The following ELFN2 variants were observed in gnomAD, a reference collection of about 807,000 sequenced individuals.
ELFN2 encodes the protein extracellular leucine rich repeat and fibronectin type III domain containing 2.
Under a neutral mutation model 45.5 loss-of-function variants are expected in ELFN2, and 17 were observed. That is an observed-to-expected ratio of 0.37 (90% CI 0.26 to 0.56). ELFN2 has a LOEUF of 0.56. Ranked by LOEUF, ELFN2 falls within the 20% of genes least tolerant of loss-of-function variation. ELFN2 has a pLI of 0.77. For missense variants in ELFN2, 922 were observed against 1,183.2 expected (o/e 0.78, Z 3.24); for synonymous variants, 550 against 551.5 (o/e 1.00, Z 0.04).
In ELFN2 at chr22:37,361,156, C is replaced by G. The variant is rs1474038103; in HGVS notation, n.149-18453G>C. ...CACAGGTGCCAGCCAGGGCTGGTGC[C>G]TCACATGGCATGTAGAAGAAGACTT... is the stretch of plus-strand genomic sequence containing the variant. On this transcript the variant is annotated intron_variant and non_coding_transcript_variant, in intron 1 of 2. Coordinates refer to ENST00000452946, the Ensembl canonical transcript of ELFN2. Among the ~76,000 whole-genome samples the G allele has an allele frequency of 2.6e-5, 4 of 152,244 alleles. No homozygotes were observed. The South Asian group carries it at 6.2e-4, about 24-fold the overall frequency.
intron 1 of ELFN2, among the ~76,000 whole-genome samples, chr22:37,419,675 C>T (rs1361771456): frequency 6.6e-6 from 1 of 152,206 alleles, no homozygotes; most frequent in Non-Finnish European, 1.5e-5. Flanking sequence ...CACGCCAAAA[C>T]ATACATGCCC....
At chr22:37,395,259 C>T (rs921820595) in intron 2 of ELFN2, among the ~76,000 whole-genome samples, 3 of 152,168 alleles carry the variant, frequency 2.0e-5, no homozygotes, top group Non-Finnish European at 4.4e-5. Context: ...CCTGGCTCTG[C>T]CTGTGCCTGG....
intron 2 of ELFN2, among the ~76,000 whole-genome samples, chr22:37,415,659 A>G (rs1003881089): frequency 6.6e-5 from 10 of 152,212 alleles, no homozygotes; most frequent in African/African-American, 2.4e-4. Context: ...TTTTAAAACG[A>G]TTTTTAAAAG....
rs1410588027 is a variant in ELFN2 at position 37,370,452 on chromosome 22, G to A, written c.*2620C>T. Reference sequence around the variant, plus strand: ...CCCAGCTGGCCAGCCAATTCACCAGGCCCGTCTGGGAGCCCTGACTTCCTC... The same window carrying A: ...CCCAGCTGGCCAGCCAATTCACCAGACCCGTCTGGGAGCCCTGACTTCCTC... On this transcript the variant is annotated 3_prime_UTR_variant, in exon 3 of 3. Coordinates refer to ENST00000402918, the MANE Select transcript of ELFN2 (RefSeq NM_052906.5). 6.6e-6 allele frequency: 1 copy of A among 152,272 alleles called. No homozygotes were observed. The highest frequency in any genetic ancestry group is 1.5e-5 in the Non-Finnish European group (1 of 68,112). The allele number at this position is 152,272 out of a possible 1,614,324, so 9.4% of individuals were successfully genotyped here.
At chr22:37,389,080 T>C (rs371500159) in intron 2 of ELFN2, among the ~76,000 whole-genome samples, 3 of 152,136 alleles carry the variant, frequency 2.0e-5, no homozygotes, top group African/African-American at 4.8e-5. Context: ...CCTCTGTCAA[T>C]TGGGGCCACA....
At chr22:37,407,755 C>T (rs1388511111) in intron 2 of ELFN2, among the ~76,000 whole-genome samples, 2 of 151,856 alleles carry the variant, frequency 1.3e-5, no homozygotes, top group African/African-American at 4.8e-5. Context: ...ATTAGCTGGG[C>T]ATGGTGGCAA....
chr22:37,405,956 G>C (rs1238152099), intron 2 of ELFN2, among the ~76,000 whole-genome samples: 1 of 152,022 alleles, frequency 6.6e-6, no homozygotes, highest in Non-Finnish European at 1.5e-5. Flanking sequence ...GGGCAACATA[G>C]TAAGACCCTG....
chr22:37,374,383 G>A lies in ELFN2; in HGVS notation c.1152C>T (p.Pro384=), dbSNP rs746267283. 1.8e-5 allele frequency: 29 copies of A among 1,613,838 alleles called. No homozygotes were observed. Among genetic ancestry groups the A allele is most frequent in the African/African-American group, 5.3e-5 (4 of 74,936 alleles). The part of the protein sequence containing the change: ...CLTFTTRDPV[P]GDLAPSTSTT... Reference sequence around the variant, plus strand: ...TGGAGGTGCTGGGCGCCAAGTCTCCGGGGACGGGGTCCCGCGTGGTGAAGG... The same window carrying A: ...TGGAGGTGCTGGGCGCCAAGTCTCCAGGGACGGGGTCCCGCGTGGTGAAGG... The change falls in exon 3 of 3, where the codon CCC becomes CCT. Residue 384 remains proline, a synonymous_variant. Transcript: ENST00000402918.
chr22:37,374,638 G>A lies in ELFN2; in HGVS notation c.897C>T (p.Ile299=). ...AGGTGAACGTGACGTGGTGCAGCTT[G>A]ATGGCTGGCCCTGCCGACGCATCCG... The part of the protein sequence containing the change: ...STTDASAGPA[I]KLHHVTFTSA... Residue 299 remains isoleucine (I), a synonymous_variant, in exon 3 of 3, where the codon ATC becomes ATT. Transcript: ENST00000402918. The A allele has an allele frequency of 6.2e-7, 1 of 1,613,932 alleles. No individual in the cohort carries two copies. The highest frequency in any genetic ancestry group is 1.1e-5 in the South Asian group (1 of 91,084).
chr22:37,399,332 T>A (rs1932301931), intron 2 of ELFN2, among the ~76,000 whole-genome samples: 1 of 152,100 alleles, frequency 6.6e-6, no homozygotes, highest in Non-Finnish European at 1.5e-5. Context: ...TGCCCCTGTG[T>A]GGGCTTCCTG....
At chr22:37,396,653 C>A (rs754515467) in intron 2 of ELFN2, among the ~76,000 whole-genome samples, 1 of 152,132 alleles carries the variant, frequency 6.6e-6, no homozygotes, top group South Asian at 2.1e-4. Context: ...CCCTTCCAGG[C>A]GCCCCCTTCC....
At chr22:37,377,235 G>T (rs1341173207) in intron 2 of ELFN2, among the ~76,000 whole-genome samples, 2 of 152,208 alleles carry the variant, frequency 1.3e-5, no homozygotes, top group Non-Finnish European at 2.9e-5. Flanking sequence ...GGGGAGACTT[G>T]GCCAGGTTGC....
rs548599945 is a variant in ELFN2 at position 37,387,803 on chromosome 22, G to GC, written c.-462-11808dup. On this transcript the variant is annotated intron_variant, in intron 2 of 2. Coordinates refer to ENST00000402918, the MANE Select transcript of ELFN2 (RefSeq NM_052906.5). ...CGCTTCCCCCTCCCCTACCCCAAGA[G>GC]CCCTTCAACCCTTCCCAAGGCTTCT... Among the ~76,000 whole-genome samples, 130 of 151,686 alleles carry GC rather than the reference G, an allele frequency of 8.6e-4. 2 individuals carry two copies. Among genetic ancestry groups the GC allele is most frequent in the African/African-American group, 3.0e-3 (126 of 41,316 alleles).
At chr22:37,386,174 C>T (rs1181911935) in intron 2 of ELFN2, among the ~76,000 whole-genome samples, 1 of 152,206 alleles carries the variant, frequency 6.6e-6, no homozygotes, top group Non-Finnish European at 1.5e-5. Flanking sequence ...CCACAGAACA[C>T]TGCCAGCTGG....
rs530718274 is a variant in ELFN2, at chr22:37,355,438, C to T, written n.149-12735G>A. 4.6e-5 allele frequency among the ~76,000 whole-genome samples: 7 copies of T among 152,298 alleles called. No individual in the cohort carries two copies. In the South Asian group the frequency reaches 1.0e-3, roughly 23 times the overall value. On this transcript the variant is annotated intron_variant and non_coding_transcript_variant, in intron 1 of 2. Coordinates refer to ENST00000452946, the Ensembl canonical transcript of ELFN2. ...CCTGACCTGTCACTGGCAGAGGGTG[C>T]GCTCGCCCTGAGACCCATCAGGAGC...
At chr22:37,357,737 C>G (rs1021091886) in intron 1 of ELFN2, among the ~76,000 whole-genome samples, 1 of 152,216 alleles carries the variant, frequency 6.6e-6, no homozygotes, top group African/African-American at 2.4e-5. Context: ...AGAGTGCTAA[C>G]AACTTGGAGC....
Position 37,374,258 on chromosome 22 carries a change from T to C in ELFN2, c.1277A>G (p.Glu426Gly). The change falls in exon 3 of 3, where the codon GAG (glutamate) becomes GGG (glycine). Residue 426 changes from glutamate to glycine, a missense_variant. Glu to Gly is a moderately conservative substitution (Grantham distance 98). Coordinates refer to ENST00000402918, the MANE Select transcript of ELFN2 (RefSeq NM_052906.5). ...GACGTTGACAGACTTCTGCTTCTCCTCCTGCATGCGCCGCTTGCGCAGGCA... is the reference window on the plus strand; with the variant it reads ...GACGTTGACAGACTTCTGCTTCTCCCCCTGCATGCGCCGCTTGCGCAGGCA... Reference protein sequence around the residue: ...YYCLRKRRMQEEKQKSVNVKK... With the variant: ...YYCLRKRRMQGEKQKSVNVKK... 3.7e-6 allele frequency: 6 copies of C among 1,613,978 alleles called. No homozygotes were observed. The highest frequency in any genetic ancestry group is 4.2e-6 in the Non-Finnish European group (5 of 1,180,028).
intron 2 of ELFN2, among the ~76,000 whole-genome samples, chr22:37,341,301 T>C (rs1318146510): frequency 6.6e-6 from 1 of 152,176 alleles, no homozygotes; most frequent in African/African-American, 2.4e-5. Flanking sequence ...CTGTCCCCTC[T>C]GGAGTCCTGC....
rs1016181465 is a variant in ELFN2 at position 37,417,650 on chromosome 22, A to C, written c.-463+119T>G. 2.6e-5 allele frequency: 4 copies of C among 152,612 alleles called. No homozygotes were observed. The East Asian group carries it at 7.7e-4, about 30-fold the overall frequency. The allele number at this position is 152,612 out of a possible 1,614,324, so 9.5% of individuals were successfully genotyped here. ...ACGGCTGGGGGCAGGGGCCAGGCCC[A>C]CAAGAAGGAACACACAGAAGCCTGA... On this transcript the variant is annotated intron_variant, in intron 2 of 2. Transcript: ENST00000402918. The surrounding 1 kb of genome is among the most constrained non-coding windows in gnomAD (Gnocchi z 4.5).
Sources: gnomAD v4.1 joint callset for allele counts (sites outside exome capture counted in the v4.1 genomes callset) on GRCh38, gnomAD v4.1.1 for gene constraint, Gnocchi (gnomAD v3.1) non-coding constraint, MANE v1.5 for transcripts, NCBI Gene and HGNC (gene_info 2026-07-23, HGNC 2026-07-21) for gene names.